ZNF507: variants seen among roughly 807,000 people sequenced by gnomAD.
ZNF507 encodes the protein zinc finger protein 507.
ZNF507 carries 29 observed loss-of-function variants against 80.0 expected under a neutral mutation model. The ratio of observed to expected loss-of-function variants is 0.36; its 90% confidence interval spans 0.27 to 0.49. The LOEUF is 0.49. Ranked by LOEUF, ZNF507 falls within the 20% of genes least tolerant of loss-of-function variation. The probability of loss-of-function intolerance (pLI) is 0.98; values close to 1 mark genes in which losing one functional copy is unlikely to be tolerated. For synonymous variants in ZNF507, 462 were observed against 422.5 expected (o/e 1.09, Z -1.15); for missense variants, 1,081 against 1,152.2 (o/e 0.94, Z 0.90).
chr19:32,378,440 G>C (rs1163087083), intron 5 of ZNF507, among the ~76,000 whole-genome samples: 4 of 152,086 alleles, frequency 2.6e-5, no homozygotes, highest in Non-Finnish European at 5.9e-5. Context: ...TCCTGGATGG[G>C]GTCGTGGAAC....
At chr19:32,367,285 A>G (rs1460340939) in intron 5 of ZNF507, among the ~76,000 whole-genome samples, 2 of 152,350 alleles carry the variant, frequency 1.3e-5, no homozygotes, top group East Asian at 3.9e-4. Context: ...ATCCATCCCC[A>G]TGACCCAGTC....
At chr19:32,370,114 G>A (rs540950008) in intron 5 of ZNF507, among the ~76,000 whole-genome samples, 13 of 152,336 alleles carry the variant, frequency 8.5e-5, no homozygotes, top group Middle Eastern at 3.4e-3. Flanking sequence ...ACGTGTGTGC[G>A]CACGCGCGTG....
chr19:32,369,480 T>C (rs1967440937), intron 5 of ZNF507, among the ~76,000 whole-genome samples: 3 of 152,224 alleles, frequency 2.0e-5, no homozygotes, highest in Admixed American at 2.0e-4. Flanking sequence ...GGTTTCGTTT[T>C]GGTTTAAGAC....
In ZNF507 at chr19:32,385,506, A is replaced by C. The variant is rs1476409184; in HGVS notation, c.*2423A>C. 6.6e-6 allele frequency: 1 copy of C among 152,232 alleles called. No individual in the cohort carries two copies. Among genetic ancestry groups the C allele is most frequent in the Non-Finnish European group, 1.5e-5 (1 of 68,042 alleles). 9.4% of individuals were successfully genotyped at this position (152,232 alleles called of 1,614,324 possible). ...GAAGATTATGCAATTCTAACTGTAG[A>C]AGAGATAGCTATTAAAATAATCAGT... On this transcript the variant is annotated 3_prime_UTR_variant, in exon 7 of 7. Coordinates refer to ENST00000355898, the MANE Select transcript of ZNF507 (RefSeq NM_001136156.2).
intron 5 of ZNF507, among the ~76,000 whole-genome samples, chr19:32,375,518 G>A (rs4805758): frequency 0.15 from 23,483 of 152,156 alleles, 1,943 homozygotes; most frequent in South Asian, 0.28. Flanking sequence ...GAGGGGTGAC[G>A]GGAAAGAAAG....
chr19:32,380,708 G>T, intron 5 of ZNF507: 3 of 1,287,424 alleles, frequency 2.3e-6, no homozygotes, highest in Non-Finnish European at 2.2e-6. Flanking sequence ...TTCCTAAAAA[G>T]ATGACAGTTT....
In ZNF507 at chr19:32,386,221, T is replaced by C. The variant is rs1437805708; in HGVS notation, c.*3138T>C. ...TCTGGATCTTTCTTCCTATTGAAGG[T>C]GGCTGCTGGTGGCTTCATAATTTTC... On this transcript the variant is annotated 3_prime_UTR_variant, in exon 7 of 7. Transcript: ENST00000355898. 6.6e-6 allele frequency: 1 copy of C among 152,642 alleles called. No individual in the cohort carries two copies. The highest frequency in any genetic ancestry group is 2.4e-5 in the African/African-American group (1 of 41,472). The allele number at this position is 152,642 out of a possible 1,614,324, so 9.5% of individuals were successfully genotyped here.
At chr19:32,349,212 C>T (rs1967132074) in intron 2 of ZNF507, among the ~76,000 whole-genome samples, 1 of 152,176 alleles carries the variant, frequency 6.6e-6, no homozygotes, top group Non-Finnish European at 1.5e-5. Context: ...ACTCTGCTAC[C>T]TCCCTCTGAT....
At position 32,353,153 on chromosome 19, in the gene ZNF507, C is replaced by A; in HGVS notation, c.323C>A (p.Thr108Lys). 6.2e-7 allele frequency: 1 copy of A among 1,614,220 alleles called. No individual in the cohort carries two copies. Among genetic ancestry groups the A allele is most frequent in the Non-Finnish European group, 8.5e-7 (1 of 1,180,032 alleles). The change falls in exon 3 of 7, where the codon ACA becomes AAA. Residue 108 changes from threonine to lysine, a missense_variant. Thr to Lys is a moderately conservative substitution (Grantham distance 78). This residue lies in a region of ZNF507 where 275 missense variants were observed against 303.9 expected (regional missense o/e 0.90). Transcript: ENST00000355898. ...ADTRRAEMSQTNFTPDTLAQN... is the reference protein window; with the variant it reads ...ADTRRAEMSQKNFTPDTLAQN... The stretch of plus-strand genomic sequence containing the variant: ...ACTAGAAGGGCTGAGATGTCACAAA[C>A]AAATTTTACCCCTGACACTCTTGCC...
chr19:32,354,468 A>G lies in ZNF507; in HGVS notation c.1638A>G (p.Pro546=), dbSNP rs1456104611. 29 of 1,614,090 alleles carry G rather than the reference A, an allele frequency of 1.8e-5. No individual in the cohort carries two copies. The highest frequency in any genetic ancestry group is 2.3e-5 in the Non-Finnish European group (27 of 1,180,048). ...TLAAYSKMMS[P]LKNSSDGLTS... is the part of the protein sequence containing the mutation. ...CAGCGTACTCAAAAATGATGTCGCC[A>G]CTTAAAAACTCTTCAGATGGATTAA... Residue 546 remains proline (P), a synonymous_variant, in exon 3 of 7, where the codon CCA becomes CCG. Transcript: ENST00000355898.
intron 5 of ZNF507, among the ~76,000 whole-genome samples, chr19:32,372,957 C>G (rs1042839200): frequency 6.6e-6 from 1 of 152,178 alleles, no homozygotes; most frequent in Non-Finnish European, 1.5e-5. Flanking sequence ...GTGTTGCTTA[C>G]GGTTCTGGAG....
Position 32,360,595 on chromosome 19 carries a change from C to A in ZNF507, c.2337C>A (p.Ile779=). 1 of 1,598,582 alleles carries A rather than the reference C, an allele frequency of 6.3e-7. No individual in the cohort carries two copies. Among genetic ancestry groups the A allele is most frequent in the Non-Finnish European group, 8.5e-7 (1 of 1,171,932 alleles). The change falls in exon 5 of 7, where the codon ATC becomes ATA. Residue 779 remains isoleucine, a synonymous_variant. Transcript: ENST00000355898. ...TTGGTGTCAGAAACCACAGGCGAAT[C>A]CATAACTCTGATAAGCCGTACAGGT... is the stretch of plus-strand genomic sequence containing the variant. The part of the protein sequence containing the change: ...TYVGVRNHRR[I]HNSDKPYRCS...
chr19:32,351,419 C>G (rs1045618547), intron 2 of ZNF507, among the ~76,000 whole-genome samples: 32 of 52,840 alleles, frequency 6.1e-4, no homozygotes, highest in African/African-American at 1.7e-3. Context: ...AGCTGGTCAG[C>G]TGTGTGTGTG....
Position 32,373,883 on chromosome 19 carries a change from A to G in ZNF507, c.2361-8584A>G, listed in dbSNP as rs527698236. On this transcript the variant is annotated intron_variant, in intron 5 of 6. Transcript: ENST00000355898. ...TCCTGCAGGTTTAGCATTGGGAGAT[A>G]AGGATGCAGCATAACTACATGTTTT... is the stretch of plus-strand genomic sequence containing the variant. Among the ~76,000 whole-genome samples the G allele has an allele frequency of 4.6e-4, 70 of 152,296 alleles. 1 individual carries two copies. The highest frequency in any genetic ancestry group is 1.5e-3 in the African/African-American group (64 of 41,566).
intron 1 of ZNF507, among the ~76,000 whole-genome samples, chr19:32,346,468 T>G (rs2145308709): frequency 6.6e-6 from 1 of 152,350 alleles, no homozygotes; most frequent in East Asian, 1.9e-4. Flanking sequence ...ATCGCTCTTC[T>G]CAGGCAATTA....
Position 32,349,471 on chromosome 19 carries a change from G to C in ZNF507, c.-3+2133G>C, listed in dbSNP as rs188482498. 5.3e-5 allele frequency among the ~76,000 whole-genome samples: 8 copies of C among 152,330 alleles called. No individual in the cohort carries two copies. In the East Asian group the frequency reaches 1.2e-3, roughly 22 times the overall value. ...ATCTTTCAGGATTTAGTCATTGACTGTTGCCTTTTATTTTACCTTGTGTAC... is the reference window on the plus strand; with the variant it reads ...ATCTTTCAGGATTTAGTCATTGACTCTTGCCTTTTATTTTACCTTGTGTAC... On this transcript the variant is annotated intron_variant, in intron 2 of 6. Coordinates refer to ENST00000355898, the MANE Select transcript of ZNF507 (RefSeq NM_001136156.2).
At chr19:32,360,452 C>A in intron 4 of ZNF507, 52 bp from the exon 5 acceptor site, 2 of 899,004 alleles carry the variant, frequency 2.2e-6, no homozygotes, top group South Asian at 2.3e-5. Context: ...TAAATGCTGT[C>A]ATTTGAATCT....
intron 5 of ZNF507, among the ~76,000 whole-genome samples, chr19:32,369,073 T>A (rs1177016268): frequency 1.3e-5 from 2 of 152,216 alleles, no homozygotes; most frequent in African/African-American, 4.8e-5. Context: ...GTAGAAAAAT[T>A]CAGTCTCAGG....
chr19:32,351,724 T>G (rs1429329608), intron 2 of ZNF507, among the ~76,000 whole-genome samples: 1 of 152,088 alleles, frequency 6.6e-6, no homozygotes, highest in Non-Finnish European at 1.5e-5. Flanking sequence ...TTTGTTGGCA[T>G]TTATTGAATG....
Sources: allele counts gnomAD v4.1 joint callset (sites outside exome capture counted in the v4.1 genomes callset), GRCh38; gene constraint gnomAD v4.1.1; regional missense constraint gnomAD v4.1.1; transcripts MANE v1.5; gene names NCBI Gene and HGNC (gene_info 2026-07-23, HGNC 2026-07-21).